Variants in TBC1D22A observed in about 807,000 individuals in gnomAD.
TBC1D22A encodes the protein TBC1 domain family member 22A.
In TBC1D22A, 38 loss-of-function variants were observed where a neutral mutation model predicts 60.2. The ratio of observed to expected loss-of-function variants is 0.63; its 90% CI spans 0.49 to 0.83. The LOEUF is 0.83. Ranked by LOEUF, TBC1D22A falls within the 40% of genes least tolerant of loss-of-function variation. TBC1D22A has a pLI of 0.00. For synonymous variants in TBC1D22A, 302 were observed against 281.7 expected (o/e 1.07, Z -0.72); for missense variants, 628 against 701.0 (o/e 0.90, Z 1.18).
chr22:47,134,894 A>C (rs1325836466), intron 12 of TBC1D22A, among the ~76,000 whole-genome samples: 2 of 152,150 alleles, frequency 1.3e-5, no homozygotes, highest in African/African-American at 4.8e-5. Flanking sequence ...GGGGAGGCTG[A>C]TACAGAGTTT....
At chr22:46,967,611 T>A (rs2073864269) in intron 8 of TBC1D22A, among the ~76,000 whole-genome samples, 1 of 152,234 alleles carries the variant, frequency 6.6e-6, no homozygotes, top group South Asian at 2.1e-4. Flanking sequence ...TATAGGTGAC[T>A]GCTCTCCATA....
chr22:46,901,574 TAG>T (rs2068998338), intron 7 of TBC1D22A, among the ~76,000 whole-genome samples: 1 of 152,224 alleles, frequency 6.6e-6, no homozygotes, highest in South Asian at 2.1e-4. Flanking sequence ...ACCCATTAAT[TAG>T]GTTGTAAACA....
At chr22:47,049,486 A>G (rs2063140575) in intron 11 of TBC1D22A, among the ~76,000 whole-genome samples, 1 of 152,226 alleles carries the variant, frequency 6.6e-6, no homozygotes, top group South Asian at 2.1e-4. Flanking sequence ...TAATTTTTAA[A>G]GTTTCATCAT....
intron 4 of TBC1D22A, among the ~76,000 whole-genome samples, chr22:46,866,355 G>T (rs918569830): frequency 6.6e-6 from 1 of 152,080 alleles, no homozygotes; most frequent in East Asian, 1.9e-4. Flanking sequence ...TCGGCCCACC[G>T]CAGCCTCCCA....
intron 4 of TBC1D22A, among the ~76,000 whole-genome samples, chr22:46,826,128 A>T (rs561694864): frequency 6.6e-6 from 1 of 151,580 alleles, no homozygotes; most frequent in African/African-American, 2.4e-5. Flanking sequence ...TGATCCGCCC[A>T]CCTTGGCCTC....
At chr22:47,047,032 A>G (rs577371050) in intron 11 of TBC1D22A, among the ~76,000 whole-genome samples, 76 of 152,352 alleles carry the variant, frequency 5.0e-4, no homozygotes, top group African/African-American at 1.7e-3. Context: ...ACCTTAAGCA[A>G]CTTGTCTAAC....
chr22:47,071,425 CCT>C (rs2063983295), intron 11 of TBC1D22A, among the ~76,000 whole-genome samples: 1 of 152,216 alleles, frequency 6.6e-6, no homozygotes, highest in East Asian at 1.9e-4. Flanking sequence ...AGTGCAGGCC[CCT>C]CTCTCCCCAC....
At chr22:46,785,016 T>G (rs2084098302) in intron 1 of TBC1D22A, among the ~76,000 whole-genome samples, 1 of 152,184 alleles carries the variant, frequency 6.6e-6, no homozygotes, top group African/African-American at 2.4e-5. Flanking sequence ...TCCAAGACAT[T>G]TCAGGAAAAG....
At chr22:46,904,147 C>CTACCTACCTACCTACCTACT (rs2069260423) in intron 7 of TBC1D22A, among the ~76,000 whole-genome samples, 2 of 90,742 alleles carry the variant, frequency 2.2e-5, no homozygotes, top group African/African-American at 4.2e-5. Context: ...ATCTATCTAC[C>CTACCTACCTACCTACCTACT]TACCTACCTA....
chr22:46,855,843 G>T (rs1317833740), intron 4 of TBC1D22A, among the ~76,000 whole-genome samples: 3 of 152,192 alleles, frequency 2.0e-5, no homozygotes, highest in African/African-American at 7.2e-5. Flanking sequence ...GTAGGGGACT[G>T]TGGGATTATG....
intron 4 of TBC1D22A, among the ~76,000 whole-genome samples, chr22:46,825,764 C>T (rs574286093): frequency 2.6e-5 from 4 of 152,194 alleles, no homozygotes; most frequent in East Asian, 1.9e-4. Flanking sequence ...TATGAACCAC[C>T]ACACCCAGCC....
chr22:46,784,640 A>G (rs2084082290), intron 1 of TBC1D22A, among the ~76,000 whole-genome samples: 1 of 152,246 alleles, frequency 6.6e-6, no homozygotes, highest in Admixed American at 6.5e-5. Flanking sequence ...GGCCTGTGAT[A>G]ATGTTGCAGA....
intron 1 of TBC1D22A, among the ~76,000 whole-genome samples, chr22:46,773,338 G>A (rs553243045): frequency 2.0e-4 from 30 of 152,340 alleles, no homozygotes; most frequent in Middle Eastern, 3.4e-3. Flanking sequence ...GTCGGGGAGC[G>A]TGTCTGTGTG....
At chr22:46,891,215 C>A in intron 5 of TBC1D22A, 51 bp from the exon 6 acceptor site, 1 of 1,538,922 alleles carries the variant, frequency 6.5e-7, no homozygotes. Context: ...ATAATAGGGA[C>A]TCCATGAATT....
At chr22:47,037,222 G>T (rs201317474) in intron 11 of TBC1D22A, 24 bp downstream of exon 11, 1 of 1,610,460 alleles carries the variant, frequency 6.2e-7, no homozygotes, top group Non-Finnish European at 8.5e-7. Context: ...CGCACCCTCC[G>T]CCATGGGGGT....
At chr22:47,029,476 C>T (rs1281754961) in intron 10 of TBC1D22A, among the ~76,000 whole-genome samples, 1 of 151,962 alleles carries the variant, frequency 6.6e-6, no homozygotes, top group Non-Finnish European at 1.5e-5. Context: ...CCTGATGGAG[C>T]TCAGTGCCCA....
chr22:46,847,598 G>A (rs1243666692), intron 4 of TBC1D22A, among the ~76,000 whole-genome samples: 6 of 152,208 alleles, frequency 3.9e-5, no homozygotes, highest in African/African-American at 1.2e-4. Flanking sequence ...AATGTGGGGT[G>A]TGTTGGGTTT....
At chr22:47,143,958 C>T (rs2089316167) in intron 12 of TBC1D22A, among the ~76,000 whole-genome samples, 1 of 152,212 alleles carries the variant, frequency 6.6e-6, no homozygotes, top group Non-Finnish European at 1.5e-5. Context: ...CTGTGTCCTG[C>T]TGGGCTGGCC....
At chr22:47,041,232 C>T (rs1404678773) in intron 11 of TBC1D22A, among the ~76,000 whole-genome samples, 1 of 152,222 alleles carries the variant, frequency 6.6e-6, no homozygotes, top group East Asian at 1.9e-4. Context: ...TTCTACCACC[C>T]ATATCCCAAA....
Sources: gnomAD v4.1 joint callset for allele counts (sites outside exome capture counted in the v4.1 genomes callset) on GRCh38, gnomAD v4.1.1 for gene constraint, MANE v1.5 for transcripts, NCBI Gene and HGNC (gene_info 2026-07-23, HGNC 2026-07-21) for gene names.